Variants in BBX observed in about 807,000 individuals in gnomAD.
BBX encodes BBX high mobility group box domain containing.
In BBX, 30 loss-of-function variants were observed where a neutral mutation model predicts 100.2. The observed-to-expected ratio is 0.30, with a 90% confidence interval of 0.22 to 0.41. The LOEUF (loss-of-function observed/expected upper bound fraction) is 0.41, where lower values mean the gene tolerates loss of function less well. BBX is among the 10% of genes least tolerant of loss of function. The probability of loss-of-function intolerance (pLI) is 1.00; values close to 1 mark genes in which losing one functional copy is unlikely to be tolerated. For synonymous variants in BBX, 376 were observed against 388.1 expected, an observed-to-expected ratio of 0.97 and a Z score of 0.37; for missense variants, 1,023 against 1,129.8, an observed-to-expected ratio of 0.91 and a Z score of 1.35.
At chr3:107,683,465 G>C (rs1559964326) in intron 3 of BBX, among the ~76,000 whole-genome samples, 1 of 152,094 alleles carries the variant, frequency 6.6e-6, no homozygotes, top group South Asian at 2.1e-4. Context: ...AAAACTTCAG[G>C]GTATTATAAG....
At chr3:107,737,106 A>C (rs1401000883) in intron 7 of BBX, among the ~76,000 whole-genome samples, 1 of 152,108 alleles carries the variant, frequency 6.6e-6, no homozygotes, top group Non-Finnish European at 1.5e-5. Flanking sequence ...GCTTGCCTTC[A>C]AATCTCAAGG....
At chr3:107,803,831 CA>C (rs1559812630) in intron 17 of BBX, among the ~76,000 whole-genome samples, 1 of 152,200 alleles carries the variant, frequency 6.6e-6, no homozygotes, top group African/African-American at 2.4e-5. Context: ...AGTTGCAGCA[CA>C]TAGTCCTCTC....
At chr3:107,726,396 T>C (rs371108218) in intron 5 of BBX, among the ~76,000 whole-genome samples, 2,698 of 152,022 alleles carry the variant, frequency 0.018, 53 homozygotes, top group Middle Eastern at 0.048. Context: ...TTAAACTCCT[T>C]AAGGACAAAG....
chr3:107,774,658 A>G, intron 11 of BBX, 61 bp from the exon 12 acceptor site: 1 of 1,556,072 alleles, frequency 6.4e-7, no homozygotes, highest in East Asian at 2.3e-5. Context: ...TGAAGCAACT[A>G]ACATCATCTC....
intron 3 of BBX, among the ~76,000 whole-genome samples, chr3:107,667,702 G>A (rs927735679): frequency 6.6e-6 from 1 of 151,818 alleles, no homozygotes; most frequent in Admixed American, 6.6e-5. Context: ...CTATTATACA[G>A]TAAAGTTGGT....
At chr3:107,790,617 A>G (rs1233232658) in intron 14 of BBX, among the ~76,000 whole-genome samples, 1 of 152,202 alleles carries the variant, frequency 6.6e-6, no homozygotes, top group Non-Finnish European at 1.5e-5. Context: ...CATCTGGCTC[A>G]GTGCAGCCAA....
chr3:107,635,562 T>A (rs2056798343), intron 2 of BBX, among the ~76,000 whole-genome samples: 2 of 152,192 alleles, frequency 1.3e-5, no homozygotes, highest in Non-Finnish European at 2.9e-5. Context: ...GTAGTAAAAA[T>A]TTCAAATCTA....
chr3:107,796,781 G>T (rs1559779038), intron 15 of BBX, among the ~76,000 whole-genome samples: 1 of 151,554 alleles, frequency 6.6e-6, no homozygotes. Context: ...AAATATCAAA[G>T]TATAAATATT....
At chr3:107,706,988 T>C (rs917671115) in intron 3 of BBX, among the ~76,000 whole-genome samples, 1 of 152,200 alleles carries the variant, frequency 6.6e-6, no homozygotes, top group East Asian at 1.9e-4. Flanking sequence ...AATTTGAACA[T>C]AGATCCATAA....
intron 7 of BBX, among the ~76,000 whole-genome samples, chr3:107,743,928 T>G (rs2064341942): frequency 6.7e-6 from 1 of 148,466 alleles, no homozygotes; most frequent in Non-Finnish European, 1.5e-5. Flanking sequence ...GTTTTTTTTT[T>G]TTTTTTTTTT....
intron 7 of BBX, among the ~76,000 whole-genome samples, chr3:107,738,083 T>C (rs939212790): frequency 3.0e-4 from 46 of 151,624 alleles, no homozygotes; most frequent in African/African-American, 1.1e-3. Flanking sequence ...GTAATAAATA[T>C]ATTTTGCCTT....
intron 10 of BBX, 69 bp downstream of exon 10, chr3:107,755,747 T>C (rs1162301123): frequency 7.8e-7 from 1 of 1,282,734 alleles, no homozygotes; most frequent in African/African-American, 1.5e-5. Context: ...CTAACAGTGT[T>C]TCCCTAAACT....
chr3:107,591,253 A>G (rs2053284454), intron 2 of BBX, among the ~76,000 whole-genome samples: 1 of 152,182 alleles, frequency 6.6e-6, no homozygotes, highest in South Asian at 2.1e-4. Context: ...TGAAGAAAAA[A>G]GCAAACTTAG....
In BBX at chr3:107,611,927, C is replaced by G. The variant is rs539209407; in HGVS notation, c.-83-33909C>G. Reference sequence around the variant, plus strand: ...TGCTTTATTCTTTTTTTCTTTTTGTCTCCTCTGATTGTGTATTTTCAGAGA... The same window carrying G: ...TGCTTTATTCTTTTTTTCTTTTTGTGTCCTCTGATTGTGTATTTTCAGAGA... On this transcript the variant is annotated intron_variant, in intron 2 of 17. Coordinates refer to ENST00000325805, the MANE Select transcript of BBX (RefSeq NM_001142568.3). Among the ~76,000 whole-genome samples the G allele has an allele frequency of 1.0e-3, 156 of 151,842 alleles. 1 individual carries two copies. The highest frequency in any genetic ancestry group is 3.6e-3 in the African/African-American group (151 of 41,434).
chr3:107,560,166 A>G (rs1389887328), intron 2 of BBX, among the ~76,000 whole-genome samples: 1 of 152,026 alleles, frequency 6.6e-6, no homozygotes, highest in East Asian at 1.9e-4. Context: ...TAAAAGCCTT[A>G]CTACTTTCTA....
intron 5 of BBX, among the ~76,000 whole-genome samples, chr3:107,727,541 A>G (rs1024037419): frequency 1.3e-5 from 2 of 152,154 alleles, no homozygotes; most frequent in Non-Finnish European, 2.9e-5. Context: ...ACATGTATCC[A>G]TGTATCAATA....
chr3:107,640,815 C>T (rs186246886), intron 2 of BBX, among the ~76,000 whole-genome samples: 2 of 151,902 alleles, frequency 1.3e-5, no homozygotes, highest in Admixed American at 1.3e-4. Context: ...GCATCCAACA[C>T]CATGCCCAAC....
chr3:107,733,138 TTTA>T, intron 7 of BBX, 115 bp downstream of exon 7: 1 of 857,414 alleles, frequency 1.2e-6, no homozygotes, highest in East Asian at 2.8e-5. Context: ...ATGAACAAAC[TTTA>T]TAATCTTTCT....
At chr3:107,744,785 C>G in intron 8 of BBX, 75 bp downstream of exon 8, 1 of 1,202,720 alleles carries the variant, frequency 8.3e-7, no homozygotes, top group Non-Finnish European at 1.2e-6. Flanking sequence ...ATAACAGTAA[C>G]TGAAAGCAAT....
Sources: allele counts gnomAD v4.1 joint callset (sites outside exome capture counted in the v4.1 genomes callset), GRCh38; gene constraint gnomAD v4.1.1; transcripts MANE v1.5; gene names NCBI Gene and HGNC (gene_info 2026-07-23, HGNC 2026-07-21).